RBFOX1: variants seen among roughly 807,000 people sequenced by gnomAD.
RBFOX1 encodes the protein RNA binding protein fox-1 homolog 1.
In RBFOX1, 8 loss-of-function variants were observed where a neutral mutation model predicts 57.7. The observed-to-expected ratio is 0.14, with a 90% confidence interval of 0.08 to 0.25. The LOEUF is 0.25. RBFOX1 is among the 10% of genes least tolerant of loss of function. RBFOX1 has a pLI of 1.00. For missense variants in RBFOX1, 611 were observed against 548.5 expected (o/e 1.11, Z -1.14); for synonymous variants, 326 against 222.4 (o/e 1.47, Z -4.15).
chr16:7,343,965 C>G (rs1024315967), intron 4 of RBFOX1, among the ~76,000 whole-genome samples: 10 of 152,296 alleles, frequency 6.6e-5, no homozygotes, highest in African/African-American at 2.2e-4. Flanking sequence ...TAAAGCAATA[C>G]CACCACAACC....
At chr16:6,700,151 T>C (rs1203816652) in intron 3 of RBFOX1, among the ~76,000 whole-genome samples, 1 of 151,798 alleles carries the variant, frequency 6.6e-6, no homozygotes. Context: ...AGGTGATGTA[T>C]TTGATCATCA....
intron 3 of RBFOX1, among the ~76,000 whole-genome samples, chr16:5,790,690 G>A (rs955615125): frequency 2.0e-5 from 3 of 151,926 alleles, no homozygotes; most frequent in Non-Finnish European, 2.9e-5. Context: ...ACTCCACAGG[G>A]GCTGCCATGG....
intron 3 of RBFOX1, among the ~76,000 whole-genome samples, chr16:6,853,291 G>T (rs929871740): frequency 6.6e-6 from 1 of 152,114 alleles, no homozygotes; most frequent in East Asian, 1.9e-4. Context: ...TTATATTCTT[G>T]TTTTTGATAT....
intron 2 of RBFOX1, among the ~76,000 whole-genome samples, chr16:5,580,843 T>G (rs2151157258): frequency 6.6e-6 from 1 of 152,294 alleles, no homozygotes; most frequent in South Asian, 2.1e-4. Flanking sequence ...TCACCTGTCT[T>G]AATGATCCCA....
chr16:7,635,717 AGTTT>A (rs1335527822), intron 11 of RBFOX1, among the ~76,000 whole-genome samples: 2 of 152,210 alleles, frequency 1.3e-5, no homozygotes, highest in Non-Finnish European at 2.9e-5. Flanking sequence ...ATTTTCATCC[AGTTT>A]GTTTAATGAC....
At position 5,797,003 on chromosome 16, in the gene RBFOX1, A is replaced by G. The variant is rs145654235; in HGVS notation, c.319-70300A>G. On this transcript the variant is annotated intron_variant, in intron 3 of 19. Coordinates refer to the RBFOX1 transcript ENST00000641259. ...GTGCAGGAGAACTACAGAAAATTAC[A>G]TAAAATAACTGCAAAAGATGACAGT... Among the ~76,000 whole-genome samples the G allele has an allele frequency of 4.2e-3, 645 of 152,346 alleles. 6 individuals carry two copies. The highest frequency in any genetic ancestry group is 0.015 in the African/African-American group (607 of 41,582).
chr16:6,226,203 C>CAAAAAAAA (rs543386716), intron 1 of RBFOX1, among the ~76,000 whole-genome samples: 7 of 99,950 alleles, frequency 7.0e-5, no homozygotes, highest in Non-Finnish European at 1.2e-4. Flanking sequence ...ACTAAAAATA[C>CAAAAAAAA]AAAAAAAAAA....
chr16:5,578,893 A>T (rs7204168), intron 2 of RBFOX1, among the ~76,000 whole-genome samples: 1 of 144,912 alleles, frequency 6.9e-6, no homozygotes. Flanking sequence ...TGTCGCCCAG[A>T]CTGGAGTGCA....
intron 1 of RBFOX1, among the ~76,000 whole-genome samples, chr16:6,065,859 G>T (rs1446168213): frequency 6.6e-6 from 1 of 152,254 alleles, no homozygotes; most frequent in South Asian, 2.1e-4. Flanking sequence ...AGTCCTTGGG[G>T]TCTGGATTTT....
chr16:7,404,338 C>T (rs975923037), intron 4 of RBFOX1, among the ~76,000 whole-genome samples: 2 of 152,146 alleles, frequency 1.3e-5, no homozygotes, highest in African/African-American at 4.8e-5. Flanking sequence ...CAGGCATAAG[C>T]CACCGTGCCC....
intron 4 of RBFOX1, among the ~76,000 whole-genome samples, chr16:7,136,265 T>C (rs992740797): frequency 6.6e-6 from 1 of 152,188 alleles, no homozygotes; most frequent in Non-Finnish European, 1.5e-5. Flanking sequence ...TGTAAATTAA[T>C]TAAAGTTTAA....
rs1415393844 is a variant in RBFOX1 at position 6,774,095 on chromosome 16, A to C, written c.-16+119445A>C. 1.3e-5 allele frequency: 10 copies of C among 784,504 alleles called. No homozygotes were observed. In the Admixed American group the frequency reaches 3.7e-4, roughly 29 times the overall value. The allele number at this position is 784,504 out of a possible 1,614,324, so 48.6% of individuals were successfully genotyped here. Reference sequence around the variant, plus strand: ...TTAATTTCCTAGCTTTAAATTACCAAGAATTGGACTTTTTGTAAAATACCA... The same window carrying C: ...TTAATTTCCTAGCTTTAAATTACCACGAATTGGACTTTTTGTAAAATACCA... On this transcript the variant is annotated intron_variant, in intron 3 of 15. Coordinates refer to ENST00000550418, the MANE Select transcript of RBFOX1 (RefSeq NM_018723.4).
intron 4 of RBFOX1, among the ~76,000 whole-genome samples, chr16:7,379,808 GCCTCCCTC>G (rs911609501): frequency 6.6e-6 from 1 of 150,700 alleles, no homozygotes; most frequent in Non-Finnish European, 1.5e-5. Context: ...CTGCCTGCCT[GCCTCCCTC>G]CCTCCCTCCT....
intron 3 of RBFOX1, among the ~76,000 whole-genome samples, chr16:6,951,066 C>A (rs1280897369): frequency 6.6e-6 from 1 of 151,928 alleles, no homozygotes; most frequent in Non-Finnish European, 1.5e-5. Flanking sequence ...TCACCATGCC[C>A]AGCAATTTTA....
At chr16:6,592,652 G>T (rs920309107) in intron 2 of RBFOX1, among the ~76,000 whole-genome samples, 1 of 152,124 alleles carries the variant, frequency 6.6e-6, no homozygotes, top group African/African-American at 2.4e-5. Context: ...CTAAGTAATG[G>T]AATTTGCTAT....
At chr16:6,390,651 CT>C (rs2092556029) in intron 2 of RBFOX1, among the ~76,000 whole-genome samples, 2 of 152,036 alleles carry the variant, frequency 1.3e-5, no homozygotes, top group Admixed American at 1.3e-4. Context: ...CAGTATATGG[CT>C]AGGTGAGTCT....
At chr16:7,022,737 G>T (rs2039677269) in intron 3 of RBFOX1, among the ~76,000 whole-genome samples, 1 of 152,168 alleles carries the variant, frequency 6.6e-6, no homozygotes, top group South Asian at 2.1e-4. Flanking sequence ...CGAAGTCTTA[G>T]TATGGGCCAA....
intron 3 of RBFOX1, among the ~76,000 whole-genome samples, chr16:5,786,952 A>G (rs1425796375): frequency 1.3e-5 from 2 of 152,254 alleles, no homozygotes; most frequent in South Asian, 2.1e-4. Flanking sequence ...CCTGGCCAAC[A>G]TGGTGAAACC....
At chr16:6,518,421 G>C (rs2096424591) in intron 2 of RBFOX1, among the ~76,000 whole-genome samples, 1 of 152,098 alleles carries the variant, frequency 6.6e-6, no homozygotes, top group Non-Finnish European at 1.5e-5. Flanking sequence ...ACCAATCAGG[G>C]GCCAGGTGAT....
Sources: allele counts gnomAD v4.1 joint callset (sites outside exome capture counted in the v4.1 genomes callset), GRCh38; gene constraint gnomAD v4.1.1; transcripts MANE v1.5; gene names NCBI Gene and HGNC (gene_info 2026-07-23, HGNC 2026-07-21).